Variants in DCAF6 observed in about 807,000 individuals in gnomAD.
DCAF6 encodes the protein DDB1 and CUL4 associated factor 6, also known as DDB1- and CUL4-associated factor 6.
In DCAF6, 54 loss-of-function variants were observed where a neutral mutation model predicts 125.1. That is an observed-to-expected ratio of 0.43 (90% CI 0.35 to 0.54). The LOEUF (loss-of-function observed/expected upper bound fraction) is 0.54, where lower values mean the gene tolerates loss of function less well. Ranked by LOEUF, DCAF6 falls within the 20% of genes least tolerant of loss-of-function variation. The probability of loss-of-function intolerance (pLI) is 0.01; values close to 1 mark genes in which losing one functional copy is unlikely to be tolerated. For missense variants in DCAF6, 934 were observed against 1,161.7 expected, an observed-to-expected ratio of 0.80 and a Z score of 2.85; for synonymous variants, 371 against 390.4, an observed-to-expected ratio of 0.95 and a Z score of 0.58.
chr1:167,916,834 C>A, the DCAF6 span: 2 of 152,194 alleles, frequency 1.3e-5, no homozygotes, highest in Non-Finnish European at 2.9e-5. Flanking sequence ...ATGCCAAACA[C>A]ACAAATGAAT....
intron 21 of DCAF6, among the ~76,000 whole-genome samples, chr1:168,070,426 A>G (rs1312673707): frequency 1.3e-5 from 2 of 152,178 alleles, no homozygotes; most frequent in African/African-American, 2.4e-5. Context: ...AAATAAGCAC[A>G]TGGTAGCCAC....
At chr1:167,867,501 C>T in the DCAF6 span, among the ~76,000 whole-genome samples, 16 of 152,088 alleles carry the variant, frequency 1.1e-4, no homozygotes, top group African/African-American at 3.1e-4. Context: ...TATAAGTGTA[C>T]GAGGACTCTA....
intron 16 of DCAF6, among the ~76,000 whole-genome samples, chr1:168,049,269 G>GTTTTATTT (rs1689533055): frequency 3.3e-5 from 5 of 152,082 alleles, no homozygotes; most frequent in African/African-American, 1.2e-4. Flanking sequence ...TTGAGACAGG[G>GTTTTATTT]TCTTGCCCTG....
chr1:168,067,186 C>G (rs879629659), intron 20 of DCAF6, among the ~76,000 whole-genome samples: 2 of 152,200 alleles, frequency 1.3e-5, no homozygotes, highest in Non-Finnish European at 2.9e-5. Context: ...CTACTCTAGA[C>G]TAACACTGAC....
At chr1:168,027,450 A>G (rs935360945) in intron 12 of DCAF6, among the ~76,000 whole-genome samples, 4 of 152,168 alleles carry the variant, frequency 2.6e-5, no homozygotes, top group Non-Finnish European at 4.4e-5. Flanking sequence ...AAAGTAGTAC[A>G]TTTAATAAGT....
At chr1:167,926,905 A>C in the DCAF6 span, among the ~76,000 whole-genome samples, 1 of 152,202 alleles carries the variant, frequency 6.6e-6, no homozygotes, top group African/African-American at 2.4e-5. Context: ...TTAAAAAACA[A>C]ACAAAAAAAC....
intron 3 of DCAF6, among the ~76,000 whole-genome samples, chr1:167,972,915 G>A (rs1384457667): frequency 1.3e-5 from 2 of 152,168 alleles, no homozygotes. Flanking sequence ...AGTGACTGAT[G>A]AAGCAGTGAG....
At chr1:167,999,912 G>A (rs1027403880) in intron 7 of DCAF6, among the ~76,000 whole-genome samples, 2 of 152,022 alleles carry the variant, frequency 1.3e-5, no homozygotes, top group Non-Finnish European at 2.9e-5. Flanking sequence ...CTTTTCCTTT[G>A]CATTTACAAA....
intron 10 of DCAF6, among the ~76,000 whole-genome samples, chr1:168,010,948 T>G (rs1437284409): frequency 6.6e-6 from 1 of 152,098 alleles, no homozygotes; most frequent in Non-Finnish European, 1.5e-5. Flanking sequence ...TGGTTTCATT[T>G]TAACCTATTT....
Position 168,009,165 on chromosome 1 carries a change from A to AT in DCAF6, c.1378+4378dup, listed in dbSNP as rs1290433545. ...AGGCGCCTGCCACCATGCCCGGCTA[A>AT]TTTTTTATACTTTTAGTAGAGACAG... On this transcript the variant is annotated intron_variant, in intron 10 of 21. Transcript: ENST00000367840. 6.6e-5 allele frequency among the ~76,000 whole-genome samples: 10 copies of AT among 151,252 alleles called. No homozygotes were observed. In the Middle Eastern group the frequency reaches 0.01, roughly 155 times the overall value.
the DCAF6 span, among the ~76,000 whole-genome samples, chr1:167,893,104 G>A: frequency 6.6e-6 from 1 of 152,192 alleles, no homozygotes; most frequent in South Asian, 2.1e-4. Flanking sequence ...AATAAAAAGA[G>A]AAAATATTGG....
chr1:168,018,699 A>G (rs1685289994), intron 11 of DCAF6, among the ~76,000 whole-genome samples: 1 of 152,202 alleles, frequency 6.6e-6, no homozygotes, highest in Admixed American at 6.5e-5. Flanking sequence ...GAAATACACC[A>G]CAACTCATTT....
chr1:167,958,335 G>GT (rs1044641437), intron 2 of DCAF6, among the ~76,000 whole-genome samples: 146 of 133,690 alleles, frequency 1.1e-3, no homozygotes, highest in African/African-American at 2.2e-3. Flanking sequence ...GGTCCAAGGT[G>GT]TTTTTTTTTG....
chr1:168,014,847 T>G (rs1030298033), intron 10 of DCAF6, among the ~76,000 whole-genome samples: 7 of 152,218 alleles, frequency 4.6e-5, no homozygotes, highest in African/African-American at 1.7e-4. Context: ...AGGTGTTTGT[T>G]CAAGTGGTGC....
At chr1:167,943,873 C>CT (rs1340830234) in intron 1 of DCAF6, among the ~76,000 whole-genome samples, 1 of 152,084 alleles carries the variant, frequency 6.6e-6, no homozygotes, top group Non-Finnish European at 1.5e-5. Context: ...GAGTCTCACT[C>CT]TGTCGCCCAG....
At chr1:168,000,861 CTGA>C (rs1553229825) in intron 7 of DCAF6, among the ~76,000 whole-genome samples, 1 of 151,694 alleles carries the variant, frequency 6.6e-6, no homozygotes, top group Non-Finnish European at 1.5e-5. Flanking sequence ...TGGGGAGTGG[CTGA>C]TGATGGTTTG....
Position 167,991,212 on chromosome 1 carries a change from A to C in DCAF6, c.561A>C (p.Leu187Phe). The change falls in exon 6 of 22, where the codon TTA (leucine) becomes TTC (phenylalanine). Residue 187 changes from leucine to phenylalanine, a missense_variant. This residue lies in a region of DCAF6 where 309 missense variants were observed against 381.2 expected (regional missense o/e 0.81). Transcript: ENST00000367840. ...CTKEDCKDDI[L>F]INCRRAATSV... is the part of the protein sequence containing the mutation. ...TATGTTATGTTTTGTAGGATATTTT[A>C]ATTAACTGTCGACGTGCTGCCACGT... is the stretch of plus-strand genomic sequence containing the variant. 1 of 1,610,722 alleles carries C rather than the reference A, an allele frequency of 6.2e-7. No individual in the cohort carries two copies. Among genetic ancestry groups the C allele is most frequent in the Non-Finnish European group, 8.5e-7 (1 of 1,179,172 alleles).
At chr1:167,910,135 T>C in the DCAF6 span, among the ~76,000 whole-genome samples, 11 of 152,324 alleles carry the variant, frequency 7.2e-5, no homozygotes, top group Admixed American at 3.3e-4. Context: ...AGCCTCTTCC[T>C]TCTTTAACCC....
At chr1:168,041,890 TCG>T (rs72312672) in intron 13 of DCAF6, among the ~76,000 whole-genome samples, 38,738 of 89,170 alleles carry the variant, frequency 0.43, 5,733 homozygotes, top group African/African-American at 0.48. Flanking sequence ...TACATGTTTG[TCG>T]CGCACACACA....
Sources: allele counts gnomAD v4.1 joint callset (sites outside exome capture counted in the v4.1 genomes callset), GRCh38; gene constraint gnomAD v4.1.1; regional missense constraint gnomAD v4.1.1; transcripts MANE v1.5; gene names NCBI Gene and HGNC (gene_info 2026-07-23, HGNC 2026-07-21).